Variants in DCDC2 observed in about 807,000 individuals in gnomAD.
DCDC2 encodes doublecortin domain-containing protein 2.
DCDC2 carries 40 observed loss-of-function variants against 50.2 expected under a neutral mutation model. That is an observed-to-expected ratio of 0.80 (90% CI 0.62 to 1.04). The LOEUF (loss-of-function observed/expected upper bound fraction) is 1.04, where lower values mean the gene tolerates loss of function less well. Among genes scored for constraint, DCDC2 ranks in the 50% least tolerant of loss-of-function variants. The pLI is 0.00. For synonymous variants in DCDC2, 234 were observed against 210.6 expected, an observed-to-expected ratio of 1.11 and a Z score of -0.96; for missense variants, 570 against 581.9, an observed-to-expected ratio of 0.98 and a Z score of 0.21.
chr6:24,313,394 A>G (rs1441037305), intron 2 of DCDC2, among the ~76,000 whole-genome samples: 1 of 152,220 alleles, frequency 6.6e-6, no homozygotes, highest in African/African-American at 2.4e-5. Context: ...AAAAAATAAA[A>G]GTATTTGGGG....
In DCDC2 at chr6:24,178,712, C is replaced by T. The variant is rs1287381311; in HGVS notation, c.1024-80G>A. 39 of 1,300,296 alleles carry T rather than the reference C, an allele frequency of 3.0e-5. No individual in the cohort carries two copies. In the Middle Eastern group the frequency reaches 7.8e-4, roughly 26 times the overall value. 80.5% of individuals were successfully genotyped at this position (1,300,296 alleles called of 1,614,324 possible). A position where few individuals can be genotyped will look rare whatever the true frequency, so the allele number is the denominator to read the frequency against. ...CACTGCACATCATAGTAATGTAATA[C>T]TTATATTACAGTCAAGTAAAACATT... On this transcript the variant is annotated intron_variant, in intron 8 of 9. Coordinates refer to ENST00000378454, the MANE Select transcript of DCDC2 (RefSeq NM_016356.5).
rs58552034 is a variant in DCDC2, at chr6:24,327,453, C to CTTATTTATTTATTTATTTAT, written c.349-25429_349-25410dup. Among the ~76,000 whole-genome samples, 153 of 136,690 alleles carry CTTATTTATTTATTTATTTAT rather than the reference C, an allele frequency of 1.1e-3. 8 individuals carry two copies. The highest frequency in any genetic ancestry group is 1.5e-3 in the African/African-American group (57 of 37,410). The allele number at this position is 136,690 out of a possible 152,430, so 89.7% of individuals were successfully genotyped here. On this transcript the variant is annotated intron_variant, in intron 2 of 9. Transcript: ENST00000378454. ...ACTTTTAGTCAATCAACATTATAAA[C>CTTATTTATTTATTTATTTAT]TTATTTATTTATTTATTTATTTATT...
chr6:24,198,390 G>A (rs1377021035), intron 8 of DCDC2, among the ~76,000 whole-genome samples: 1 of 152,252 alleles, frequency 6.6e-6, no homozygotes, highest in Non-Finnish European at 1.5e-5. Context: ...CCTCACTCAG[G>A]AAGCACAAGG....
intron 8 of DCDC2, among the ~76,000 whole-genome samples, chr6:24,182,447 C>T (rs1761095005): frequency 6.6e-6 from 1 of 151,688 alleles, no homozygotes; most frequent in Non-Finnish European, 1.5e-5. Context: ...ATAGGGAACA[C>T]CTAAAACTCA....
At chr6:24,207,256 TTC>T (rs60603298) in intron 7 of DCDC2, among the ~76,000 whole-genome samples, 2,076 of 129,256 alleles carry the variant, frequency 0.016, 23 homozygotes, top group Middle Eastern at 0.027. Context: ...CCATCTATCT[TTC>T]TCTCTCTCTC....
intron 4 of DCDC2, among the ~76,000 whole-genome samples, chr6:24,297,836 G>C (rs1041220640): frequency 1.3e-5 from 2 of 152,148 alleles, no homozygotes; most frequent in Admixed American, 1.3e-4. Flanking sequence ...TAATCTTGGA[G>C]TAAGGAAGAT....
At chr6:24,307,168 T>C (rs1436131765) in intron 2 of DCDC2, among the ~76,000 whole-genome samples, 1 of 152,154 alleles carries the variant, frequency 6.6e-6, no homozygotes, top group Non-Finnish European at 1.5e-5. Context: ...CCTGGGGCTG[T>C]AAACTGAATG....
At chr6:24,241,627 G>T (rs1358860803) in intron 7 of DCDC2, among the ~76,000 whole-genome samples, 1 of 152,068 alleles carries the variant, frequency 6.6e-6, no homozygotes, top group African/African-American at 2.4e-5. Context: ...TTCATGAAAA[G>T]TTTACTAGAG....
At chr6:24,352,960 C>T (rs368861292) in intron 2 of DCDC2, among the ~76,000 whole-genome samples, 1 of 152,186 alleles carries the variant, frequency 6.6e-6, no homozygotes, top group South Asian at 2.1e-4. Flanking sequence ...ATACATCCTA[C>T]AGAATACCTA....
At chr6:24,264,079 C>T (rs1763066579) in intron 7 of DCDC2, among the ~76,000 whole-genome samples, 1 of 151,978 alleles carries the variant, frequency 6.6e-6, no homozygotes, top group African/African-American at 2.4e-5. Context: ...GAGAGAGTGG[C>T]ATGACATATT....
At chr6:24,181,106 C>T (rs1761062054) in intron 8 of DCDC2, among the ~76,000 whole-genome samples, 1 of 152,096 alleles carries the variant, frequency 6.6e-6, no homozygotes, top group African/African-American at 2.4e-5. Context: ...TGCTTAAGGT[C>T]AAATAGCGGA....
chr6:24,218,625 C>T (rs1762031113), intron 7 of DCDC2, among the ~76,000 whole-genome samples: 1 of 152,090 alleles, frequency 6.6e-6, no homozygotes, highest in African/African-American at 2.4e-5. Context: ...ATAGCTGGGA[C>T]TACGGGCATG....
intron 2 of DCDC2, among the ~76,000 whole-genome samples, chr6:24,314,282 G>C (rs1225910490): frequency 2.0e-5 from 3 of 152,102 alleles, no homozygotes; most frequent in Non-Finnish European, 4.4e-5. Context: ...AGACCAGTCT[G>C]GGCAACATAG....
intron 2 of DCDC2, among the ~76,000 whole-genome samples, chr6:24,306,012 G>C (rs1759466917): frequency 6.6e-6 from 1 of 151,508 alleles, no homozygotes; most frequent in Admixed American, 6.6e-5. Context: ...TGGGCAACAA[G>C]AGCAAAACTC....
chr6:24,377,757 G>C, the DCDC2 span, among the ~76,000 whole-genome samples: 3 of 152,200 alleles, frequency 2.0e-5, no homozygotes, highest in Admixed American at 6.5e-5. Flanking sequence ...GGAGGCCGAG[G>C]GGGGTGGATC....
At chr6:24,378,839 A>G in the DCDC2 span, among the ~76,000 whole-genome samples, 1 of 151,760 alleles carries the variant, frequency 6.6e-6, no homozygotes, top group African/African-American at 2.4e-5. Flanking sequence ...CTGTAGTCTC[A>G]GCTACCTGAA....
chr6:24,287,054 T>C (rs1025107657), intron 6 of DCDC2, among the ~76,000 whole-genome samples: 4 of 152,208 alleles, frequency 2.6e-5, no homozygotes, highest in African/African-American at 9.6e-5. Context: ...GCTCCCAAAA[T>C]GGACTCAGAT....
the DCDC2 span, among the ~76,000 whole-genome samples, chr6:24,377,914 G>A: frequency 2.0e-5 from 3 of 152,094 alleles, no homozygotes; most frequent in South Asian, 2.1e-4. Flanking sequence ...GCTTGAACCC[G>A]GGAGGCGGAG....
At chr6:24,355,843 A>G (rs1162053158) in intron 1 of DCDC2, among the ~76,000 whole-genome samples, 1 of 152,224 alleles carries the variant, frequency 6.6e-6, no homozygotes, top group Non-Finnish European at 1.5e-5. Context: ...AAGAAGGATT[A>G]CATTCAAGAA....
Sources: gnomAD v4.1 joint callset for allele counts (sites outside exome capture counted in the v4.1 genomes callset) on GRCh38, gnomAD v4.1.1 for gene constraint, MANE v1.5 for transcripts, NCBI Gene and HGNC (gene_info 2026-07-23, HGNC 2026-07-21) for gene names.